Variants in NFATC2 observed in about 807,000 individuals in gnomAD.
The protein encoded by NFATC2 is nuclear factor of activated T cells 2.
NFATC2 carries 22 observed loss-of-function variants against 87.3 expected under a neutral mutation model. The ratio of observed to expected loss-of-function variants is 0.25; its 90% CI spans 0.18 to 0.36. NFATC2 has a LOEUF of 0.36. Ranked by LOEUF, NFATC2 falls within the 10% of genes least tolerant of loss-of-function variation. The probability of loss-of-function intolerance (pLI) is 1.00; values close to 1 mark genes in which losing one functional copy is unlikely to be tolerated. For missense variants in NFATC2, 1,149 were observed against 1,259.1 expected, an observed-to-expected ratio of 0.91 and a Z score of 1.32; for synonymous variants, 565 against 542.2, an observed-to-expected ratio of 1.04 and a Z score of -0.58.
intron 5 of NFATC2, among the ~76,000 whole-genome samples, chr20:51,464,135 C>T (rs1251731210): frequency 6.6e-6 from 1 of 152,200 alleles, no homozygotes; most frequent in Non-Finnish European, 1.5e-5. Flanking sequence ...GTTTCAGACT[C>T]CTGCAGTGAC....
rs754985514 is a variant in NFATC2, at chr20:51,398,636, C to T, written c.*44+7G>A. ...AAACAAAAGGAGAAGCAGAAGATAT[C>T]GATTACCTTTAACTTTGATTTCTCG... is the stretch of plus-strand genomic sequence containing the variant. On this transcript the variant is annotated splice_region_variant and intron_variant, in intron 10 of 10. Coordinates refer to ENST00000371564, the MANE Select transcript of NFATC2 (RefSeq NM_012340.5). The T allele has an allele frequency of 2.0e-5, 32 of 1,583,200 alleles. No individual in the cohort carries two copies. The highest frequency in any genetic ancestry group is 2.7e-5 in the African/African-American group (2 of 73,580).
chr20:51,494,893 G>C (rs2075962386), intron 3 of NFATC2, among the ~76,000 whole-genome samples: 1 of 152,142 alleles, frequency 6.6e-6, no homozygotes, highest in Non-Finnish European at 1.5e-5. Flanking sequence ...GTCACATACT[G>C]TCCTGAACGT....
intron 6 of NFATC2, among the ~76,000 whole-genome samples, chr20:51,450,736 C>T (rs953992291): frequency 6.6e-6 from 1 of 152,192 alleles, no homozygotes; most frequent in Non-Finnish European, 1.5e-5. Context: ...TGAGACCACA[C>T]ACGGAAAGTG....
intron 9 of NFATC2, among the ~76,000 whole-genome samples, chr20:51,400,619 T>C (rs1180763559): frequency 2.6e-5 from 4 of 152,150 alleles, no homozygotes; most frequent in African/African-American, 4.8e-5. Flanking sequence ...GTTTCACTCT[T>C]TGTCAGCTTC....
chr20:51,523,677 C>T lies in NFATC2; in HGVS notation c.564G>A (p.Ser188=). The change falls in exon 2 of 11, where the codon TCG becomes TCA. Residue 188 remains serine, a synonymous_variant. Transcript: ENST00000371564. This position sits in a 1 kb window ranked among gnomAD's most constrained non-coding sequence, Gnocchi z 6.9. ...FISDTFSPYT[S]PCVSPNNGGP... Reference sequence around the variant, plus strand: ...CGCCGTTATTGGGCGAGACGCAGGGCGAGGTGTAGGGGGAGAAGGTGTCAG... The same window carrying T: ...CGCCGTTATTGGGCGAGACGCAGGGTGAGGTGTAGGGGGAGAAGGTGTCAG... The T allele has an allele frequency of 4.3e-6, 7 of 1,613,730 alleles. No homozygotes were observed. Among genetic ancestry groups the T allele is most frequent in the Non-Finnish European group, 5.9e-6 (7 of 1,179,808 alleles).
chr20:51,441,104 G>A (rs974765502), intron 6 of NFATC2, among the ~76,000 whole-genome samples: 13 of 151,984 alleles, frequency 8.6e-5, no homozygotes, highest in Non-Finnish European at 1.5e-4. Flanking sequence ...CCAACGTGGC[G>A]AAACCCGATC....
At position 51,430,633 on chromosome 20, in the gene NFATC2, C is replaced by T. The variant is rs78220046; in HGVS notation, c.2722+1434G>A. Among the ~76,000 whole-genome samples, 1,471 of 152,164 alleles carry T rather than the reference C, an allele frequency of 9.7e-3. 5 individuals carry two copies. Among genetic ancestry groups the T allele is most frequent in the Non-Finnish European group, 0.016 (1,117 of 68,008 alleles). ...GGTGAATTCAGGGGACGTTTTTGAT[C>T]GACTGTCTCCCTAGGGATTGGGTAT... On this transcript the variant is annotated intron_variant, in intron 9 of 10. Coordinates refer to ENST00000371564, the MANE Select transcript of NFATC2 (RefSeq NM_012340.5).
intron 3 of NFATC2, among the ~76,000 whole-genome samples, chr20:51,512,260 G>C (rs2076283545): frequency 6.6e-6 from 1 of 152,202 alleles, no homozygotes; most frequent in Non-Finnish European, 1.5e-5. Context: ...CCCAAGCGGT[G>C]AATCCAATGG....
rs1986235889 is a variant in NFATC2 at position 51,390,807 on chromosome 20, A to G, written c.*689T>C. 6.1e-6 allele frequency: 1 copy of G among 165,228 alleles called. No individual in the cohort carries two copies. The highest frequency in any genetic ancestry group is 1.5e-4 in the South Asian group (1 of 6,476). The allele number at this position is 165,228 out of a possible 1,614,324, so 10.2% of individuals were successfully genotyped here. ...GGTTTTGGAATGAGAATTCAAAAAT[A>G]AAGCTTTAGCTGTGGCCCAGTTGTG... On this transcript the variant is annotated 3_prime_UTR_variant, in exon 11 of 11. Transcript: ENST00000371564.
intron 10 of NFATC2, among the ~76,000 whole-genome samples, chr20:51,397,479 A>G (rs1378287143): frequency 6.6e-6 from 1 of 152,192 alleles, no homozygotes; most frequent in African/African-American, 2.4e-5. Context: ...CTGGCTTGCC[A>G]AAGTCCCCAA....
intron 3 of NFATC2, among the ~76,000 whole-genome samples, chr20:51,494,625 C>T (rs1400411317): frequency 1.3e-5 from 2 of 151,708 alleles, no homozygotes; most frequent in Non-Finnish European, 2.9e-5. Flanking sequence ...GGGACTGGCA[C>T]TTGGCTTCCA....
At chr20:51,417,202 G>A (rs768536209) in intron 9 of NFATC2, among the ~76,000 whole-genome samples, 5 of 151,998 alleles carry the variant, frequency 3.3e-5, no homozygotes, top group South Asian at 2.1e-4. Flanking sequence ...CTTCCACGGC[G>A]CCCAGTAAGG....
At chr20:51,455,534 T>G (rs1356005623) in intron 5 of NFATC2, among the ~76,000 whole-genome samples, 2 of 151,374 alleles carry the variant, frequency 1.3e-5, no homozygotes, top group African/African-American at 2.4e-5. Context: ...CCTACTTTGC[T>G]TTTCTCCATA....
intron 5 of NFATC2, among the ~76,000 whole-genome samples, chr20:51,458,683 A>T (rs1986827653): frequency 6.6e-6 from 1 of 151,176 alleles, no homozygotes; most frequent in Non-Finnish European, 1.5e-5. Flanking sequence ...TGGTGGTGGC[A>T]TGTGTCTGTA....
At chr20:51,544,230 A>G (rs1186304784), upstream of NFATC2, among the ~76,000 whole-genome samples, 1 of 151,406 alleles carries the variant, frequency 6.6e-6, no homozygotes. Flanking sequence ...CTCGTGATCC[A>G]CCCGCCTCGG....
intron 9 of NFATC2, among the ~76,000 whole-genome samples, chr20:51,405,409 G>A (rs1470511578): frequency 2.2e-5 from 3 of 137,084 alleles, no homozygotes; most frequent in South Asian, 2.7e-4. Context: ...AACTGTGGGT[G>A]TGCAGGCGCC....
At chr20:51,536,897 A>AC (rs2076729709) in intron 1 of NFATC2, among the ~76,000 whole-genome samples, 3 of 133,904 alleles carry the variant, frequency 2.2e-5, no homozygotes, top group South Asian at 2.3e-4. Context: ...AGCAAGCACC[A>AC]AACACACACA....
intron 3 of NFATC2, among the ~76,000 whole-genome samples, chr20:51,497,485 A>G (rs1453041970): frequency 6.6e-6 from 1 of 152,024 alleles, no homozygotes; most frequent in Non-Finnish European, 1.5e-5. Context: ...TTTTCACCCC[A>G]ATATTACTTG....
At chr20:51,398,261 G>A (rs943896374) in intron 10 of NFATC2, among the ~76,000 whole-genome samples, 3 of 152,198 alleles carry the variant, frequency 2.0e-5, no homozygotes, top group Non-Finnish European at 4.4e-5. Context: ...TGCCCACTCT[G>A]CTGTTCCCCA....
Sources: allele counts gnomAD v4.1 joint callset (sites outside exome capture counted in the v4.1 genomes callset), GRCh38; gene constraint gnomAD v4.1.1; non-coding constraint Gnocchi (gnomAD v3.1); transcripts MANE v1.5; gene names NCBI Gene and HGNC (gene_info 2026-07-23, HGNC 2026-07-21).